Variants in CLDN11 observed in about 807,000 individuals in gnomAD.
The protein encoded by CLDN11 is claudin 11.
Under a neutral mutation model 18.0 loss-of-function variants are expected in CLDN11, and 1 was observed. The observed-to-expected ratio is 0.06, with a 90% CI of 0.02 to 0.26. The LOEUF (loss-of-function observed/expected upper bound fraction) is 0.26. Ranked by LOEUF, CLDN11 falls within the 10% of genes least tolerant of loss-of-function variation. The pLI is 1.00. For missense variants in CLDN11, 172 were observed against 276.6 expected, an observed-to-expected ratio of 0.62 and a Z score of 2.68; for synonymous variants, 116 against 121.5, an observed-to-expected ratio of 0.96 and a Z score of 0.30.
In CLDN11 at chr3:170,419,390, G is replaced by T; in HGVS notation, c.226+98G>T. 1 of 852,310 alleles carries T rather than the reference G, an allele frequency of 1.2e-6. No individual in the cohort carries two copies. The highest frequency in any genetic ancestry group is 1.8e-6 in the Non-Finnish European group (1 of 554,196). 52.8% of individuals were successfully genotyped at this position (852,310 alleles called of 1,614,324 possible). A position where few individuals can be genotyped will look rare whatever the true frequency, so the allele number is the denominator to read the frequency against. On this transcript the variant is annotated intron_variant, in intron 1 of 2. Coordinates refer to ENST00000064724, the MANE Select transcript of CLDN11 (RefSeq NM_005602.6). The surrounding 1 kb of genome is among the most constrained non-coding windows in gnomAD (Gnocchi z 8.6). ...CACAGAGACATTTTGGGGGCTTGAA[G>T]ACCTTTGGGTACGTTTTTGACATCC...
chr3:170,429,570 T>A (rs983834036), intron 2 of CLDN11, among the ~76,000 whole-genome samples: 1 of 152,236 alleles, frequency 6.6e-6, no homozygotes, highest in Admixed American at 6.5e-5. Flanking sequence ...GTTCATTGTA[T>A]GAAATATTTA....
At position 170,419,333 on chromosome 3, in the gene CLDN11, C is replaced by T. The variant is rs116599302; in HGVS notation, c.226+41C>T. The T allele has an allele frequency of 2.1e-6, 3 of 1,433,750 alleles. No homozygotes were observed. The highest frequency in any genetic ancestry group is 1.4e-5 in the African/African-American group (1 of 70,812). 88.8% of individuals were successfully genotyped at this position (1,433,750 alleles called of 1,614,324 possible). A position where few individuals can be genotyped will look rare whatever the true frequency, so the allele number is the denominator to read the frequency against. ...TGGCGGCGGCTCCCAAATCCTTATC[C>T]TCTGGGTAGAGAGCGGGATATTAGA... On this transcript the variant is annotated intron_variant, in intron 1 of 2. Coordinates refer to ENST00000064724, the MANE Select transcript of CLDN11 (RefSeq NM_005602.6). The surrounding 1 kb of genome is among the most constrained non-coding windows in gnomAD (Gnocchi z 8.6).
At chr3:170,429,601 C>T (rs910883976) in intron 2 of CLDN11, among the ~76,000 whole-genome samples, 3 of 152,218 alleles carry the variant, frequency 2.0e-5, no homozygotes, top group South Asian at 4.2e-4. Context: ...TGATTTTTCC[C>T]TTTTTCTAAT....
At chr3:170,428,695 A>C (rs1466425621) in intron 2 of CLDN11, among the ~76,000 whole-genome samples, 2 of 152,058 alleles carry the variant, frequency 1.3e-5, no homozygotes, top group Non-Finnish European at 2.9e-5. Context: ...AACAAATGGT[A>C]CCCCCCACCA....
rs1321120868 is a variant in CLDN11, at chr3:170,419,392, C to G, written c.226+100C>G. 8.5e-6 allele frequency: 7 copies of G among 823,698 alleles called. No homozygotes were observed. In the South Asian group the frequency reaches 1.3e-4, roughly 15 times the overall value. The allele number at this position is 823,698 out of a possible 1,614,324, so 51.0% of individuals were successfully genotyped here. A position where few individuals can be genotyped will look rare whatever the true frequency, so the allele number is the denominator to read the frequency against. ...CAGAGACATTTTGGGGGCTTGAAGACCTTTGGGTACGTTTTTGACATCCCT... is the reference window on the plus strand; with the variant it reads ...CAGAGACATTTTGGGGGCTTGAAGAGCTTTGGGTACGTTTTTGACATCCCT... On this transcript the variant is annotated intron_variant, in intron 1 of 2. Transcript: ENST00000064724. The surrounding 1 kb of genome is among the most constrained non-coding windows in gnomAD (Gnocchi z 8.6).
At chr3:170,425,664 G>T (rs1001958060) in intron 2 of CLDN11, among the ~76,000 whole-genome samples, 1 of 152,152 alleles carries the variant, frequency 6.6e-6, no homozygotes, top group African/African-American at 2.4e-5. Flanking sequence ...GAAACTATGG[G>T]GGAAGCAGGA....
At chr3:170,424,934 T>C (rs865824392) in intron 2 of CLDN11, among the ~76,000 whole-genome samples, 1 of 49,200 alleles carries the variant, frequency 2.0e-5, no homozygotes, top group Non-Finnish European at 4.0e-5. Context: ...TGTGTGTGTG[T>C]GTGTGTGCGC....
rs1738668408 is a variant in CLDN11 at position 170,419,481 on chromosome 3, C to G, written c.226+189C>G. ...CTTAACTTCTCTAGGCCGCAGTATT[C>G]TTATCTGGAATTTGAGATAATAGTG... On this transcript the variant is annotated intron_variant, in intron 1 of 2. Transcript: ENST00000064724. This position sits in a 1 kb window ranked among gnomAD's most constrained non-coding sequence, Gnocchi z 8.6. Among the ~76,000 whole-genome samples, 1 of 152,312 alleles carries G rather than the reference C, an allele frequency of 6.6e-6. No individual in the cohort carries two copies. The highest frequency in any genetic ancestry group is 1.5e-5 in the Non-Finnish European group (1 of 68,018).
In CLDN11 at chr3:170,419,588, T is replaced by A. The variant is rs1182441592; in HGVS notation, c.226+296T>A. ...CACCTAATAGGAACTGAGTCCGTGT[T>A]AATTACTGCGGTCCCAGCCCGCATC... is the stretch of plus-strand genomic sequence containing the variant. On this transcript the variant is annotated intron_variant, in intron 1 of 2. Transcript: ENST00000064724. This position sits in a 1 kb window ranked among gnomAD's most constrained non-coding sequence, Gnocchi z 8.6. Among the ~76,000 whole-genome samples, 2 of 152,224 alleles carry A rather than the reference T, an allele frequency of 1.3e-5. No homozygotes were observed. The highest frequency in any genetic ancestry group is 4.1e-4 in the South Asian group (2 of 4,834).
intron 1 of CLDN11, among the ~76,000 whole-genome samples, chr3:170,420,068 C>T (rs1738687306): frequency 6.6e-6 from 1 of 152,204 alleles, no homozygotes; most frequent in Admixed American, 6.5e-5. Context: ...GAGCGCGCCG[C>T]CGAGGGTCGC....
At chr3:170,423,085 T>C (rs1319265180) in intron 1 of CLDN11, 78 bp from the exon 2 acceptor site, 7 of 1,482,616 alleles carry the variant, frequency 4.7e-6, no homozygotes, top group East Asian at 2.3e-5. Flanking sequence ...GAGATGGTGC[T>C]GAATTCCCCT....
Position 170,432,693 on chromosome 3 carries a change from A to G in CLDN11, c.561A>G (p.Glu187=). ...CTGGAGATGCCCAGGCCTTTGGTGA[A>G]AACCGTTTCTACTACACTGCGGGCT... ...CCAGDAQAFG[E]NRFYYTAGSS... is the part of the protein sequence containing the mutation. The change falls in exon 3 of 3, where the codon GAA becomes GAG. Residue 187 remains glutamate, a synonymous_variant. Coordinates refer to ENST00000064724, the MANE Select transcript of CLDN11 (RefSeq NM_005602.6). The G allele has an allele frequency of 1.9e-6, 3 of 1,614,138 alleles. No individual in the cohort carries two copies. Among genetic ancestry groups the G allele is most frequent in the Non-Finnish European group, 2.5e-6 (3 of 1,180,034 alleles).
intron 2 of CLDN11, among the ~76,000 whole-genome samples, chr3:170,430,831 C>T (rs1386614823): frequency 6.6e-6 from 1 of 152,118 alleles, no homozygotes; most frequent in Non-Finnish European, 1.5e-5. Context: ...AAGGTGTGAG[C>T]CACCATGCCT....
In CLDN11 at chr3:170,432,798, G is replaced by A; in HGVS notation, c.*42G>A. The A allele has an allele frequency of 2.5e-6, 4 of 1,583,498 alleles. No homozygotes were observed. Among genetic ancestry groups the A allele is most frequent in the East Asian group, 2.2e-5 (1 of 44,732 alleles). ...CCCACAGAGGTGCTGTAGATGCTGGGCCCAGGGCCCTAGGTTTGCTCGTCA... is the reference window on the plus strand; with the variant it reads ...CCCACAGAGGTGCTGTAGATGCTGGACCCAGGGCCCTAGGTTTGCTCGTCA... On this transcript the variant is annotated 3_prime_UTR_variant, in exon 3 of 3. Coordinates refer to ENST00000064724, the MANE Select transcript of CLDN11 (RefSeq NM_005602.6).
chr3:170,430,628 T>C (rs956051153), intron 2 of CLDN11, among the ~76,000 whole-genome samples: 6 of 151,940 alleles, frequency 3.9e-5, no homozygotes, highest in Admixed American at 1.3e-4. Flanking sequence ...ATGCAACCTC[T>C]GCCTTCTGGG....
In CLDN11 at chr3:170,432,950, C is replaced by T; in HGVS notation, c.*194C>T. On this transcript the variant is annotated 3_prime_UTR_variant, in exon 3 of 3. Coordinates refer to ENST00000064724, the MANE Select transcript of CLDN11 (RefSeq NM_005602.6). The stretch of plus-strand genomic sequence containing the variant: ...ATCTTTTGGTTGCCTTAAAAGAAAT[C>T]TCTAGCTCAGATAATGCCCAGACAT... The T allele has an allele frequency of 1.7e-6, 1 of 592,012 alleles. No homozygotes were observed. The highest frequency in any genetic ancestry group is 3.0e-6 in the Non-Finnish European group (1 of 334,458). The allele number at this position is 592,012 out of a possible 1,614,324, so 36.7% of individuals were successfully genotyped here.
At chr3:170,430,939 ACT>A (rs1269541158) in intron 2 of CLDN11, among the ~76,000 whole-genome samples, 1 of 152,052 alleles carries the variant, frequency 6.6e-6, no homozygotes, top group African/African-American at 2.4e-5. Context: ...TTTCAAATTA[ACT>A]CTCTTCCTTC....
intron 1 of CLDN11, among the ~76,000 whole-genome samples, chr3:170,421,980 C>T (rs566975955): frequency 1.1e-4 from 16 of 152,234 alleles, no homozygotes; most frequent in African/African-American, 3.9e-4. Context: ...CCGTGAATAC[C>T]AAGGCAGGTG....
chr3:170,424,471 A>C (rs1165278298), intron 2 of CLDN11, among the ~76,000 whole-genome samples: 1 of 152,170 alleles, frequency 6.6e-6, no homozygotes, highest in Non-Finnish European at 1.5e-5. Context: ...CTGCACATAA[A>C]GGGCTTCATT....
Sources: allele counts gnomAD v4.1 joint callset (sites outside exome capture counted in the v4.1 genomes callset), GRCh38; gene constraint gnomAD v4.1.1; non-coding constraint Gnocchi (gnomAD v3.1); transcripts MANE v1.5; gene names NCBI Gene and HGNC (gene_info 2026-07-23, HGNC 2026-07-21).